SSTR5: variants seen among roughly 807,000 people sequenced by gnomAD.
SSTR5 encodes somatostatin receptor type 5.
Under a neutral mutation model 0.3 loss-of-function variants are expected in SSTR5, and 1 was observed. The observed-to-expected ratio is 2.98, with a 90% CI of 1.06 to 14.15. SSTR5 has a LOEUF of 14.15. Among genes scored for constraint, SSTR5 ranks in the 30% most tolerant of loss-of-function variants. The pLI, the probability that SSTR5 is intolerant of heterozygous loss-of-function variation, is 0.12. For synonymous variants in SSTR5, 256 were observed against 263.1 expected, an observed-to-expected ratio of 0.97 and a Z score of 0.26; for missense variants, 516 against 543.2, an observed-to-expected ratio of 0.95 and a Z score of 0.50.
In SSTR5 at chr16:1,079,506, C is replaced by G; in HGVS notation, c.638C>G (p.Pro213Arg). The G allele has an allele frequency of 5.6e-6, 9 of 1,611,936 alleles. No homozygotes were observed. Among genetic ancestry groups the G allele is most frequent in the Non-Finnish European group, 7.6e-6 (9 of 1,179,418 alleles). Residue 213 changes from proline (P) to arginine (R), a missense_variant, in exon 2 of 2, where the codon CCG (proline) becomes CGG (arginine). Pro to Arg is a moderately radical substitution (Grantham distance 103). Transcript: ENST00000689027. ...IYTAVLGFFA[P>R]LLVICLCYLL... is the part of the protein sequence containing the mutation. ...ACGGCCGTGCTGGGCTTCTTCGCGC[C>G]GCTGCTGGTCATCTGCCTGTGCTAC...
At chr16:1,074,081 G>A (rs1336324861) in intron 1 of SSTR5, among the ~76,000 whole-genome samples, 1 of 152,216 alleles carries the variant, frequency 6.6e-6, no homozygotes. Context: ...ACAGGCAGGG[G>A]TGCCATTGGC....
In SSTR5 at chr16:1,079,972, G is replaced by A. The variant is rs1352992492; in HGVS notation, c.*9G>A. On this transcript the variant is annotated 3_prime_UTR_variant, in exon 2 of 2. Coordinates refer to ENST00000689027, the MANE Select transcript of SSTR5 (RefSeq NM_001172560.3). ...AGACCAGCAAGCTGTGAGAGTGCAG[G>A]CGGGGGGTGGGCGGCCCCGTGTCAC... 1.9e-6 allele frequency: 3 copies of A among 1,589,704 alleles called. No individual in the cohort carries two copies. Among genetic ancestry groups the A allele is most frequent in the South Asian group, 2.3e-5 (2 of 87,766 alleles).
chr16:1,078,756 C>T (rs560131791), intron 1 of SSTR5, 86 bp from the exon 2 acceptor site: 16 of 1,346,682 alleles, frequency 1.2e-5, no homozygotes, highest in East Asian at 2.5e-5. Context: ...TCCTGGCAGG[C>T]GGGGCTGGGG....
At chr16:1,078,543 T>C in intron 1 of SSTR5, 1 of 440,212 alleles carries the variant, frequency 2.3e-6, no homozygotes, top group Non-Finnish European at 4.2e-6. Flanking sequence ...TCCAGGATGC[T>C]GCGGCCAGGC....
In SSTR5 at chr16:1,080,324, G is replaced by T. The variant is rs991310344; in HGVS notation, c.*361G>T. ...TCCAGAAGGCCGGCCAGGCGAGAGG[G>T]TCTTCCTGACGGCGGAGCTGACCTG... On this transcript the variant is annotated 3_prime_UTR_variant, in exon 2 of 2. Transcript: ENST00000689027. Among the ~76,000 whole-genome samples the T allele has an allele frequency of 3.3e-5, 5 of 152,210 alleles. No individual in the cohort carries two copies. The East Asian group carries it at 5.8e-4, about 18-fold the overall frequency.
chr16:1,075,476 C>CA (rs1445527241), intron 1 of SSTR5, among the ~76,000 whole-genome samples: 1 of 152,086 alleles, frequency 6.6e-6, no homozygotes, highest in African/African-American at 2.4e-5. Context: ...ATCTCGAAAA[C>CA]AAAAAATCAA....
At position 1,079,218 on chromosome 16, in the gene SSTR5, C is replaced by A. The variant is rs577188951; in HGVS notation, c.350C>A (p.Thr117Lys). ...FGPVLCRLVM[T>K]LDGVNQFTSV... ...CCCGTCCTGTGCCGCCTGGTCATGA[C>A]GCTGGACGGCGTCAACCAGTTCACC... The change falls in exon 2 of 2, where the codon ACG becomes AAG. Residue 117 changes from threonine to lysine, a missense_variant. Thr to Lys is a moderately conservative substitution (Grantham distance 78). Transcript: ENST00000689027. 1 of 1,612,522 alleles carries A rather than the reference C, an allele frequency of 6.2e-7. No individual in the cohort carries two copies. Among genetic ancestry groups the A allele is most frequent in the South Asian group, 1.1e-5 (1 of 91,074 alleles).
Position 1,080,952 on chromosome 16 carries a change from A to G in SSTR5, c.*989A>G. The G allele has an allele frequency of 2.3e-6, 1 of 442,408 alleles. No homozygotes were observed. Among genetic ancestry groups the G allele is most frequent in the South Asian group, 1.6e-5 (1 of 61,270 alleles). The allele number at this position is 442,408 out of a possible 1,614,324, so 27.4% of individuals were successfully genotyped here. A position where few individuals can be genotyped will look rare whatever the true frequency, so the allele number is the denominator to read the frequency against. Reference sequence around the variant, plus strand: ...CGGGAGAGGGAACGGGGACAGGAGCAGAGGACGGTCATCCAGGCGCAGCGG... The same window carrying G: ...CGGGAGAGGGAACGGGGACAGGAGCGGAGGACGGTCATCCAGGCGCAGCGG... On this transcript the variant is annotated 3_prime_UTR_variant, in exon 2 of 2. Coordinates refer to ENST00000689027, the MANE Select transcript of SSTR5 (RefSeq NM_001172560.3).
intron 1 of SSTR5, among the ~76,000 whole-genome samples, chr16:1,075,899 C>A (rs1215012842): frequency 3.2e-4 from 27 of 83,596 alleles, no homozygotes; most frequent in African/African-American, 1.1e-3. Context: ...CTCTCTCTCC[C>A]CCCCCACTCT....
rs764558710 is a variant in SSTR5 at position 1,079,852 on chromosome 16, G to A, written c.984G>A (p.Lys328=). The change falls in exon 2 of 2, where the codon AAG becomes AAA. Residue 328 remains lysine (K), a synonymous_variant. Transcript: ENST00000689027. ...VLCLRKGSGA[K]DADATEPRPD... ...GCCTCCGCAAGGGCTCTGGTGCCAA[G>A]GACGCTGACGCCACGGAGCCGCGTC... 3.1e-6 allele frequency: 5 copies of A among 1,611,536 alleles called. No homozygotes were observed. The highest frequency in any genetic ancestry group is 3.4e-6 in the Non-Finnish European group (4 of 1,179,732).
At chr16:1,075,194 T>C (rs1960168160) in intron 1 of SSTR5, among the ~76,000 whole-genome samples, 2 of 152,290 alleles carry the variant, frequency 1.3e-5, no homozygotes, top group Non-Finnish European at 2.9e-5. Flanking sequence ...ACAGCAATAA[T>C]GGTCTATTTG....
At position 1,080,796 on chromosome 16, in the gene SSTR5, G is replaced by A. The variant is rs750904776; in HGVS notation, c.*833G>A. ...CGTGCTGAGATTGGCTCTGTCTGGAGGGGTCCAGTGTGGGGTGCCTGAGGG... is the reference window on the plus strand; with the variant it reads ...CGTGCTGAGATTGGCTCTGTCTGGAAGGGTCCAGTGTGGGGTGCCTGAGGG... On this transcript the variant is annotated 3_prime_UTR_variant, in exon 2 of 2. Transcript: ENST00000689027. 1.3e-5 allele frequency among the ~76,000 whole-genome samples: 2 copies of A among 152,190 alleles called. No homozygotes were observed. The highest frequency in any genetic ancestry group is 1.5e-5 in the Non-Finnish European group (1 of 68,014).
rs1357178151 is a variant in SSTR5 at position 1,081,190 on chromosome 16, G to A, written c.*1227G>A. ...CTCTGGGGCACCTTGGCCTTGCTCT[G>A]AGGCTGGAAGGAGAAGGACCAGGGT... On this transcript the variant is annotated 3_prime_UTR_variant, in exon 2 of 2. Transcript: ENST00000689027. The A allele has an allele frequency of 1.1e-5, 5 of 463,466 alleles. No homozygotes were observed. Among genetic ancestry groups the A allele is most frequent in the African/African-American group, 2.0e-5 (1 of 49,660 alleles). The allele number at this position is 463,466 out of a possible 1,614,324, so 28.7% of individuals were successfully genotyped here. A position where few individuals can be genotyped will look rare whatever the true frequency, so the allele number is the denominator to read the frequency against.
Position 1,080,264 on chromosome 16 carries a change from A to G in SSTR5, c.*301A>G, listed in dbSNP as rs1254207824. 1 of 402,316 alleles carries G rather than the reference A, an allele frequency of 2.5e-6. No individual in the cohort carries two copies. Among genetic ancestry groups the G allele is most frequent in the Non-Finnish European group, 4.6e-6 (1 of 218,806 alleles). 24.9% of individuals were successfully genotyped at this position (402,316 alleles called of 1,614,324 possible). A position where few individuals can be genotyped will look rare whatever the true frequency, so the allele number is the denominator to read the frequency against. Reference sequence around the variant, plus strand: ...GCCGCCTCACCCTCCATCTGGCCCCAGCCCATGCCGGCCTTCCCTCTGGGG... The same window carrying G: ...GCCGCCTCACCCTCCATCTGGCCCCGGCCCATGCCGGCCTTCCCTCTGGGG... On this transcript the variant is annotated 3_prime_UTR_variant, in exon 2 of 2. Transcript: ENST00000689027.
At chr16:1,075,360 G>T (rs1362829348) in intron 1 of SSTR5, among the ~76,000 whole-genome samples, 1 of 152,130 alleles carries the variant, frequency 6.6e-6, no homozygotes, top group African/African-American at 2.4e-5. Context: ...AAGCTACAAA[G>T]ACAGGGAGGC....
Position 1,079,596 on chromosome 16 carries a change from A to G in SSTR5, c.728A>G (p.Glu243Gly), listed in dbSNP as rs1388944403. 2 of 1,611,150 alleles carry G rather than the reference A, an allele frequency of 1.2e-6. No individual in the cohort carries two copies. Among genetic ancestry groups the G allele is most frequent in the African/African-American group, 1.3e-5 (1 of 74,850 alleles). The change falls in exon 2 of 2, where the codon GAG becomes GGG. Residue 243 changes from glutamate to glycine, a missense_variant. Glu to Gly is a moderately conservative substitution (Grantham distance 98). Transcript: ENST00000689027. ...GTGGGCTGCGTGCGGCGGCGCTCGGAGCGGAAGGTGACGCGCATGGTGTTG... is the reference window on the plus strand; with the variant it reads ...GTGGGCTGCGTGCGGCGGCGCTCGGGGCGGAAGGTGACGCGCATGGTGTTG... ...VRVGCVRRRSERKVTRMVLVV... is the reference protein window; with the variant it reads ...VRVGCVRRRSGRKVTRMVLVV...
At position 1,079,746 on chromosome 16, in the gene SSTR5, C is replaced by A; in HGVS notation, c.878C>A (p.Ser293Tyr). Residue 293 changes from serine to tyrosine, a missense_variant, in exon 2 of 2, where the codon TCC becomes TAC. Physicochemically the swap from Ser to Tyr is moderately radical, Grantham distance 144. Transcript: ENST00000689027. ...CTCTACTTCTTCGTGGTCATCCTCTCCTACGCCAACAGCTGTGCCAACCCC... is the reference window on the plus strand; with the variant it reads ...CTCTACTTCTTCGTGGTCATCCTCTACTACGCCAACAGCTGTGCCAACCCC... ...AGLYFFVVIL[S>Y]YANSCANPVL... 6.2e-7 allele frequency: 1 copy of A among 1,612,320 alleles called. No homozygotes were observed. Among genetic ancestry groups the A allele is most frequent in the Non-Finnish European group, 8.5e-7 (1 of 1,179,942 alleles).
rs937706904 is a variant in SSTR5, at chr16:1,078,614, G to A, written c.-27-228G>A. ...AGCTGTCGCCATATCGACAGCAGCC[G>A]TCCGTCTGGGCTCCCGGGGCCACCT... On this transcript the variant is annotated intron_variant, in intron 1 of 1. Coordinates refer to ENST00000689027, the MANE Select transcript of SSTR5 (RefSeq NM_001172560.3). The A allele has an allele frequency of 8.5e-5, 49 of 573,890 alleles. 1 individual carries two copies. Among genetic ancestry groups the A allele is most frequent in the South Asian group, 4.6e-4 (23 of 49,504 alleles). The allele number at this position is 573,890 out of a possible 1,614,324, so 35.5% of individuals were successfully genotyped here. A position where few individuals can be genotyped will look rare whatever the true frequency, so the allele number is the denominator to read the frequency against.
rs753427957 is a variant in SSTR5, at chr16:1,081,108, C to A, written c.*1145C>A. Reference sequence around the variant, plus strand: ...TGTCCTACCTCCCCCACCCCAAACACCAGCTTTTCCTGGCGCCCCAGGCCC... The same window carrying A: ...TGTCCTACCTCCCCCACCCCAAACAACAGCTTTTCCTGGCGCCCCAGGCCC... On this transcript the variant is annotated 3_prime_UTR_variant, in exon 2 of 2. Transcript: ENST00000689027. The A allele has an allele frequency of 1.7e-4, 80 of 470,350 alleles. No individual in the cohort carries two copies. The Middle Eastern group carries it at 1.9e-3, about 11-fold the overall frequency. 29.1% of individuals were successfully genotyped at this position (470,350 alleles called of 1,614,324 possible).
Sources: allele counts gnomAD v4.1 joint callset (sites outside exome capture counted in the v4.1 genomes callset), GRCh38; gene constraint gnomAD v4.1.1; transcripts MANE v1.5; gene names NCBI Gene and HGNC (gene_info 2026-07-23, HGNC 2026-07-21).